Variants in SLC25A21 observed in about 807,000 individuals in gnomAD.
The protein encoded by SLC25A21 is mitochondrial 2-oxodicarboxylate carrier.
In SLC25A21, 47 loss-of-function variants were observed where a neutral mutation model predicts 43.8. The ratio of observed to expected loss-of-function variants is 1.07; its 90% confidence interval spans 0.85 to 1.37. SLC25A21 has a LOEUF of 1.37. Among genes scored for constraint, SLC25A21 ranks in the 40% most tolerant of loss-of-function variants. SLC25A21 has a pLI of 0.00. For missense variants in SLC25A21, 352 were observed against 350.2 expected (o/e 1.00, Z -0.04); for synonymous variants, 131 against 121.3 (o/e 1.08, Z -0.52).
intron 1 of SLC25A21, among the ~76,000 whole-genome samples, chr14:36,923,980 C>T (rs1892055003): frequency 6.6e-6 from 1 of 152,088 alleles, no homozygotes; most frequent in African/African-American, 2.4e-5. Flanking sequence ...AATGAGATAC[C>T]ATCTCACACC....
chr14:36,754,555 C>T (rs1457229167), intron 3 of SLC25A21, among the ~76,000 whole-genome samples: 1 of 152,150 alleles, frequency 6.6e-6, no homozygotes, highest in Non-Finnish European at 1.5e-5. Flanking sequence ...ACCTAAGTAG[C>T]TTATCTACAT....
At chr14:36,759,304 TA>T (rs1350309309) in intron 3 of SLC25A21, among the ~76,000 whole-genome samples, 5 of 152,244 alleles carry the variant, frequency 3.3e-5, no homozygotes, top group African/African-American at 9.6e-5. Context: ...GGTTGCCATC[TA>T]AATCTAGGAA....
At chr14:36,913,160 T>C (rs1891737787) in intron 1 of SLC25A21, among the ~76,000 whole-genome samples, 1 of 152,196 alleles carries the variant, frequency 6.6e-6, no homozygotes, top group Non-Finnish European at 1.5e-5. Flanking sequence ...CAGAAAATGA[T>C]GTAAAAAGAA....
chr14:37,094,525 G>A (rs961521097), intron 1 of SLC25A21, among the ~76,000 whole-genome samples: 1 of 152,172 alleles, frequency 6.6e-6, no homozygotes, highest in African/African-American at 2.4e-5. Context: ...AAAACCAAAT[G>A]TGTTTGGCCC....
rs567439513 is a variant in SLC25A21 at position 36,984,558 on chromosome 14, T to C, written c.71-109554A>G. Among the ~76,000 whole-genome samples, 3 of 152,148 alleles carry C rather than the reference T, an allele frequency of 2.0e-5. No homozygotes were observed. In the East Asian group the frequency reaches 5.8e-4, roughly 29 times the overall value. On this transcript the variant is annotated intron_variant, in intron 1 of 9. Transcript: ENST00000331299. ...ATTTGCTTGTTTAAATATTTTATAA[T>C]ATTTTATATTTGTAAATCTTATAAT... is the stretch of plus-strand genomic sequence containing the variant.
chr14:37,098,786 C>CAGACAGATAGATAGAT (rs1555346899), intron 1 of SLC25A21, among the ~76,000 whole-genome samples: 1 of 139,170 alleles, frequency 7.2e-6, no homozygotes, highest in Non-Finnish European at 1.5e-5. Context: ...GACAGACAGA[C>CAGACAGATAGATAGAT]AGATAGATAG....
chr14:36,930,337 CA>C, intron 1 of SLC25A21, among the ~76,000 whole-genome samples: 1 of 152,254 alleles, frequency 6.6e-6, no homozygotes, highest in East Asian at 1.9e-4. Flanking sequence ...GATTTTAAAA[CA>C]ATGTAAGGTA....
chr14:36,711,034 G>A (rs995839890), intron 7 of SLC25A21, among the ~76,000 whole-genome samples: 5 of 152,168 alleles, frequency 3.3e-5, no homozygotes, highest in Non-Finnish European at 7.3e-5. Context: ...GCACTCAGGT[G>A]TAAAAATAGC....
chr14:36,727,878 G>GA (rs768347739), intron 5 of SLC25A21, among the ~76,000 whole-genome samples: 82 of 150,206 alleles, frequency 5.5e-4, no homozygotes, highest in Non-Finnish European at 8.2e-4. Flanking sequence ...GCCAAAAGTG[G>GA]AAAAAAAAAT....
At chr14:37,172,255 G>A (rs370206431) in intron 1 of SLC25A21, 26 bp downstream of exon 1, 2 of 1,569,710 alleles carry the variant, frequency 1.3e-6, no homozygotes, top group African/African-American at 1.4e-5. Context: ...ACTAGCCTCC[G>A]GCGGGGCAGG....
rs199537690 is a variant in SLC25A21, at chr14:36,984,552, T to G, written c.71-109548A>C. On this transcript the variant is annotated intron_variant, in intron 1 of 9. Coordinates refer to ENST00000331299, the MANE Select transcript of SLC25A21 (RefSeq NM_030631.4). ...GCCATCATTTGCTTGTTTAAATATT[T>G]TATAATATTTTATATTTGTAAATCT... is the stretch of plus-strand genomic sequence containing the variant. 2.0e-4 allele frequency among the ~76,000 whole-genome samples: 20 copies of G among 97,684 alleles called. No individual in the cohort carries two copies. The South Asian group carries it at 2.2e-3, about 11-fold the overall frequency. 64.1% of individuals were successfully genotyped at this position (97,684 alleles called of 152,430 possible). A position where few individuals can be genotyped will look rare whatever the true frequency, so the allele number is the denominator to read the frequency against.
intron 1 of SLC25A21, among the ~76,000 whole-genome samples, chr14:36,945,339 T>C (rs929235727): frequency 1.3e-5 from 2 of 152,134 alleles, no homozygotes. Flanking sequence ...TTTAACCATA[T>C]AATCCAGAAA....
chr14:36,912,673 T>G (rs1204557108), intron 1 of SLC25A21, among the ~76,000 whole-genome samples: 1 of 152,218 alleles, frequency 6.6e-6, no homozygotes, highest in Admixed American at 6.5e-5. Flanking sequence ...TATAAAGTTC[T>G]TTCACGTGGG....
intron 3 of SLC25A21, among the ~76,000 whole-genome samples, chr14:36,774,633 T>A (rs1305651272): frequency 6.6e-6 from 1 of 152,096 alleles, no homozygotes; most frequent in Non-Finnish European, 1.5e-5. Flanking sequence ...AGTGGTGTGA[T>A]CAAGGCTCAC....
intron 1 of SLC25A21, among the ~76,000 whole-genome samples, chr14:37,171,185 G>C (rs1964122482): frequency 6.6e-6 from 1 of 151,824 alleles, no homozygotes; most frequent in Non-Finnish European, 1.5e-5. Flanking sequence ...TGTAAGCAAT[G>C]AATGGCTCTA....
intron 2 of SLC25A21, among the ~76,000 whole-genome samples, chr14:36,828,934 C>T (rs1446054294): frequency 1.3e-5 from 2 of 152,142 alleles, no homozygotes; most frequent in African/African-American, 4.8e-5. Flanking sequence ...GAGGGTCTCA[C>T]TATGTTCCCC....
chr14:36,779,032 T>C (rs961209250), intron 3 of SLC25A21, among the ~76,000 whole-genome samples: 3 of 151,946 alleles, frequency 2.0e-5, no homozygotes, highest in African/African-American at 2.4e-5. Flanking sequence ...TGAGTTCAAC[T>C]TTTTAAGATT....
chr14:37,060,501 A>T (rs1337268569), intron 1 of SLC25A21, among the ~76,000 whole-genome samples: 1 of 151,620 alleles, frequency 6.6e-6, no homozygotes, highest in Non-Finnish European at 1.5e-5. Flanking sequence ...CTCATCCAGG[A>T]ATTGGTTGCC....
chr14:36,876,633 T>C (rs2138558867), intron 1 of SLC25A21, among the ~76,000 whole-genome samples: 1 of 152,222 alleles, frequency 6.6e-6, no homozygotes, highest in Middle Eastern at 3.4e-3. Context: ...TGCTTGAGAA[T>C]TCACATTTAC....
Sources: gnomAD v4.1 joint callset for allele counts (sites outside exome capture counted in the v4.1 genomes callset) on GRCh38, gnomAD v4.1.1 for gene constraint, MANE v1.5 for transcripts, NCBI Gene and HGNC (gene_info 2026-07-23, HGNC 2026-07-21) for gene names.